POU6F2: variants seen among roughly 807,000 people sequenced by gnomAD.
POU6F2 encodes the protein POU class 6 homeobox 2.
Under a neutral mutation model 71.3 loss-of-function variants are expected in POU6F2, and 31 were observed. The ratio of observed to expected loss-of-function variants is 0.43; its 90% CI spans 0.33 to 0.59. The LOEUF (loss-of-function observed/expected upper bound fraction) is 0.59. Ranked by LOEUF, POU6F2 falls within the 20% of genes least tolerant of loss-of-function variation. The pLI, the probability that POU6F2 is intolerant of heterozygous loss-of-function variation, is 0.04. For missense variants in POU6F2, 783 were observed against 856.8 expected (o/e 0.91, Z 1.07); for synonymous variants, 347 against 355.7 (o/e 0.98, Z 0.27).
intron 6 of POU6F2, among the ~76,000 whole-genome samples, chr7:39,414,643 G>A (rs1330956785): frequency 6.6e-6 from 1 of 152,202 alleles, no homozygotes; most frequent in Admixed American, 6.5e-5. Flanking sequence ...AGAAGCGCCG[G>A]GCTGTGCGTC....
At chr7:39,204,597 A>AT (rs1793970202) in intron 3 of POU6F2, among the ~76,000 whole-genome samples, 1 of 151,576 alleles carries the variant, frequency 6.6e-6, no homozygotes. Flanking sequence ...ACCCACTACA[A>AT]TTGTGCTGTT....
At chr7:39,051,900 A>C (rs1790407186) in intron 1 of POU6F2, among the ~76,000 whole-genome samples, 1 of 152,134 alleles carries the variant, frequency 6.6e-6, no homozygotes, top group Non-Finnish European at 1.5e-5. Flanking sequence ...TGTCCTTGTC[A>C]TGCACAATAC....
chr7:39,174,327 G>T (rs144115673), intron 2 of POU6F2, among the ~76,000 whole-genome samples: 57 of 152,248 alleles, frequency 3.7e-4, no homozygotes, highest in African/African-American at 1.3e-3. Flanking sequence ...ATTCTTGTTG[G>T]TTGCCACTTC....
At chr7:39,171,467 C>T (rs1793217913) in intron 2 of POU6F2, among the ~76,000 whole-genome samples, 1 of 152,084 alleles carries the variant, frequency 6.6e-6, no homozygotes, top group African/African-American at 2.4e-5. Flanking sequence ...TAAGATGTCT[C>T]TTATTTAGAT....
chr7:39,205,711 T>A (rs1260788627), intron 3 of POU6F2, among the ~76,000 whole-genome samples: 1 of 152,202 alleles, frequency 6.6e-6, no homozygotes, highest in Non-Finnish European at 1.5e-5. Flanking sequence ...TTGGTGTGAA[T>A]TTAGCAAAGT....
intron 1 of POU6F2, among the ~76,000 whole-genome samples, chr7:39,079,180 CTTTTTT>C (rs1162865518): frequency 5.0e-5 from 4 of 79,324 alleles, no homozygotes; most frequent in African/African-American, 1.6e-4. Context: ...CTCACAATAT[CTTTTTT>C]TTTTTTTTTT....
In POU6F2 at chr7:39,409,943, T is replaced by G. The variant is rs147296067; in HGVS notation, c.1113+3203T>G. Among the ~76,000 whole-genome samples, 74 of 152,324 alleles carry G rather than the reference T, an allele frequency of 4.9e-4. No individual in the cohort carries two copies. The Middle Eastern group carries it at 0.01, about 21-fold the overall frequency. On this transcript the variant is annotated intron_variant, in intron 6 of 9. Coordinates refer to ENST00000518318, the MANE Select transcript of POU6F2 (RefSeq NM_001370959.1). ...TTTTGAGCAAACATGGAGGAAAAAC[T>G]TCAGTTGTTTTTGTAACTTTCTAAC...
At chr7:39,245,812 C>T (rs544871006) in intron 4 of POU6F2, among the ~76,000 whole-genome samples, 4 of 152,144 alleles carry the variant, frequency 2.6e-5, no homozygotes, top group South Asian at 2.1e-4. Flanking sequence ...AAGAAGACCA[C>T]GTAATTTGAC....
At chr7:39,297,925 T>C (rs1430712731) in intron 4 of POU6F2, among the ~76,000 whole-genome samples, 2 of 152,146 alleles carry the variant, frequency 1.3e-5, no homozygotes, top group African/African-American at 4.8e-5. Context: ...ATTCAGTAAA[T>C]GATGCTGGGA....
chr7:39,347,057 G>A (rs1261193655), intron 5 of POU6F2, among the ~76,000 whole-genome samples: 2 of 152,182 alleles, frequency 1.3e-5, no homozygotes, highest in Admixed American at 1.3e-4. Flanking sequence ...TTTGAGTCAA[G>A]TCAGCACATC....
At chr7:39,121,701 A>ATTAT (rs1167140600) in intron 2 of POU6F2, among the ~76,000 whole-genome samples, 1 of 152,142 alleles carries the variant, frequency 6.6e-6, no homozygotes, top group Non-Finnish European at 1.5e-5. Flanking sequence ...GATACTAATT[A>ATTAT]TTATTTATTT....
intron 1 of POU6F2, among the ~76,000 whole-genome samples, chr7:39,034,815 C>T (rs1790022535): frequency 6.6e-6 from 1 of 151,870 alleles, no homozygotes; most frequent in Admixed American, 6.6e-5. Context: ...AAGTTTGGCG[C>T]CCTGTTATTT....
intron 5 of POU6F2, among the ~76,000 whole-genome samples, chr7:39,372,357 T>G (rs1786631679): frequency 6.6e-6 from 1 of 152,244 alleles, no homozygotes; most frequent in African/African-American, 2.4e-5. Flanking sequence ...GGAATTCTTT[T>G]GGGGGACATG....
chr7:38,983,663 A>G (rs60123963), intron 1 of POU6F2, among the ~76,000 whole-genome samples: 13,398 of 152,042 alleles, frequency 0.088, 1,200 homozygotes, highest in East Asian at 0.24. Flanking sequence ...CAGTTCCACA[A>G]TGTGAGCCAA....
chr7:39,418,907 G>GTA lies in POU6F2; in HGVS notation c.1113+12168_1113+12169insAT, dbSNP rs1411632234. Among the ~76,000 whole-genome samples the GTA allele has an allele frequency of 1.4e-4, 20 of 146,878 alleles. No individual in the cohort carries two copies. The East Asian group carries it at 1.8e-3, about 14-fold the overall frequency. ...TAGTGCTCTCTTCATGTGTGTGTGT[G>GTA]TGTATATATATATGTATATATGTAT... On this transcript the variant is annotated intron_variant, in intron 6 of 9. Transcript: ENST00000518318.
intron 5 of POU6F2, among the ~76,000 whole-genome samples, chr7:39,351,641 C>T (rs1001706571): frequency 6.6e-6 from 1 of 152,064 alleles, no homozygotes; most frequent in African/African-American, 2.4e-5. Context: ...ACCTGAAATG[C>T]TGGTAAATGT....
intron 4 of POU6F2, among the ~76,000 whole-genome samples, chr7:39,309,183 A>ACTGC (rs1457885247): frequency 6.6e-6 from 1 of 152,236 alleles, no homozygotes; most frequent in Non-Finnish European, 1.5e-5. Context: ...AAGAGACTCA[A>ACTGC]CTGCCTTTGA....
At chr7:39,008,489 G>C (rs1478840472) in intron 1 of POU6F2, among the ~76,000 whole-genome samples, 1 of 150,000 alleles carries the variant, frequency 6.7e-6, no homozygotes, top group Admixed American at 6.6e-5. Flanking sequence ...TCACTCTGAT[G>C]GTAGTTTCTT....
intron 2 of POU6F2, among the ~76,000 whole-genome samples, chr7:39,167,083 T>A (rs1050553117): frequency 2.0e-5 from 3 of 152,186 alleles, no homozygotes; most frequent in African/African-American, 4.8e-5. Flanking sequence ...TTTAAATTCT[T>A]TAGTACTTTG....
Sources: allele counts gnomAD v4.1 joint callset (sites outside exome capture counted in the v4.1 genomes callset), GRCh38; gene constraint gnomAD v4.1.1; transcripts MANE v1.5; gene names NCBI Gene and HGNC (gene_info 2026-07-23, HGNC 2026-07-21).